The following TSPAN9 variants were observed in gnomAD, a reference collection of about 807,000 sequenced individuals.
TSPAN9 encodes tetraspanin-9.
In TSPAN9, 16 loss-of-function variants were observed where a neutral mutation model predicts 31.0. The ratio of observed to expected loss-of-function variants is 0.52; its 90% CI spans 0.35 to 0.78. The LOEUF (loss-of-function observed/expected upper bound fraction) is 0.78, where lower values mean the gene tolerates loss of function less well. Ranked by LOEUF, TSPAN9 falls within the 30% of genes least tolerant of loss-of-function variation. The pLI, the probability that TSPAN9 is intolerant of heterozygous loss-of-function variation, is 0.01. For missense variants in TSPAN9, 272 were observed against 312.5 expected, an observed-to-expected ratio of 0.87 and a Z score of 0.98; for synonymous variants, 145 against 121.6, an observed-to-expected ratio of 1.19 and a Z score of -1.27.
At chr12:3,162,181 TCTCA>T (rs1808776431) in intron 2 of TSPAN9, among the ~76,000 whole-genome samples, 1 of 152,158 alleles carries the variant, frequency 6.6e-6, no homozygotes, top group Non-Finnish European at 1.5e-5. Flanking sequence ...TTGCTTCCTC[TCTCA>T]CCATGTGATA....
In TSPAN9 at chr12:3,187,165, C is replaced by G. The variant is rs2098361850; in HGVS notation, c.-17-14012C>G. The stretch of plus-strand genomic sequence containing the variant: ...AGGGCCTCTGTTTTCTTTCACTTGG[C>G]AGATCACCTGTGTTCATGCCGTGTG... On this transcript the variant is annotated intron_variant, in intron 2 of 8. Coordinates refer to ENST00000011898, the MANE Select transcript of TSPAN9 (RefSeq NM_006675.5). The surrounding 1 kb of genome is among the most constrained non-coding windows in gnomAD (Gnocchi z 5.2). Among the ~76,000 whole-genome samples the G allele has an allele frequency of 6.6e-6, 1 of 152,140 alleles. No individual in the cohort carries two copies. The highest frequency in any genetic ancestry group is 2.1e-4 in the South Asian group (1 of 4,826).
chr12:3,256,139 G>T (rs904428712), intron 3 of TSPAN9, among the ~76,000 whole-genome samples: 2 of 152,170 alleles, frequency 1.3e-5, no homozygotes, highest in African/African-American at 4.8e-5. Context: ...GGGTTGTCAG[G>T]AGCCAGAGAG....
chr12:3,273,684 G>A (rs1015422615), intron 3 of TSPAN9, among the ~76,000 whole-genome samples: 5 of 152,090 alleles, frequency 3.3e-5, no homozygotes, highest in African/African-American at 7.2e-5. Flanking sequence ...CACCAGAGGC[G>A]GCTCCCCTGC....
intron 2 of TSPAN9, among the ~76,000 whole-genome samples, chr12:3,089,514 C>G (rs2098302968): frequency 6.6e-6 from 1 of 151,780 alleles, no homozygotes; most frequent in African/African-American, 2.4e-5. Flanking sequence ...CCAGGGTGGT[C>G]TCGATCTCCT....
At chr12:3,162,715 T>C (rs1414308860) in intron 2 of TSPAN9, among the ~76,000 whole-genome samples, 3 of 152,214 alleles carry the variant, frequency 2.0e-5, no homozygotes, top group Admixed American at 2.0e-4. Context: ...CTCAGCTCTT[T>C]CTCAGCAGAG....
At chr12:3,205,945 T>C (rs117638214) in intron 3 of TSPAN9, among the ~76,000 whole-genome samples, 2,337 of 151,936 alleles carry the variant, frequency 0.015, 26 homozygotes, top group South Asian at 0.039. Flanking sequence ...CTTGTCTTAA[T>C]GTCTATTTTT....
intron 1 of TSPAN9, among the ~76,000 whole-genome samples, chr12:3,077,669 A>C (rs1306628889): frequency 3.8e-5 from 4 of 105,416 alleles, no homozygotes; most frequent in South Asian, 6.3e-4. Flanking sequence ...CGGGCCGGGA[A>C]GGGGAGGGTG....
intron 2 of TSPAN9, chr12:3,171,533 A>C (rs776226601): frequency 6.6e-6 from 1 of 152,152 alleles, no homozygotes; most frequent in Non-Finnish European, 1.5e-5. Context: ...TTAGTTACCC[A>C]TCCCTGTGTG....
At chr12:3,119,645 G>A (rs1443717844) in intron 2 of TSPAN9, among the ~76,000 whole-genome samples, 1 of 152,132 alleles carries the variant, frequency 6.6e-6, no homozygotes, top group African/African-American at 2.4e-5. Context: ...ATGCACCCCC[G>A]CTCCTCTCCA....
At chr12:3,079,771 ATTTT>A (rs34675914) in intron 1 of TSPAN9, among the ~76,000 whole-genome samples, 1 of 129,690 alleles carries the variant, frequency 7.7e-6, no homozygotes. Flanking sequence ...CCCTTCTTCT[ATTTT>A]TTTTTTTTTT....
intron 3 of TSPAN9, among the ~76,000 whole-genome samples, chr12:3,208,948 G>T (rs964752378): frequency 6.6e-6 from 1 of 152,058 alleles, no homozygotes; most frequent in South Asian, 2.1e-4. Flanking sequence ...TTAAAAATTC[G>T]GCGTTGTGCC....
intron 3 of TSPAN9, among the ~76,000 whole-genome samples, chr12:3,242,108 C>T (rs962533050): frequency 2.0e-5 from 3 of 152,244 alleles, no homozygotes; most frequent in Non-Finnish European, 4.4e-5. Context: ...AGGGGTCTCC[C>T]GGTTAGGGCT....
intron 3 of TSPAN9, among the ~76,000 whole-genome samples, chr12:3,255,197 C>T (rs1862323222): frequency 6.6e-6 from 1 of 152,258 alleles, no homozygotes; most frequent in Admixed American, 6.5e-5. Context: ...TCCGGCCTGA[C>T]TCTGTCTGTC....
At chr12:3,115,485 G>C (rs2098321796) in intron 2 of TSPAN9, among the ~76,000 whole-genome samples, 1 of 152,204 alleles carries the variant, frequency 6.6e-6, no homozygotes, top group Non-Finnish European at 1.5e-5. Context: ...TCAGGCTGCT[G>C]TATATCACAA....
rs1392319943 is a variant in TSPAN9 at position 3,168,872 on chromosome 12, C to T, written c.-17-32305C>T. Among the ~76,000 whole-genome samples, 3 of 152,102 alleles carry T rather than the reference C, an allele frequency of 2.0e-5. No homozygotes were observed. Among genetic ancestry groups the T allele is most frequent in the South Asian group, 2.1e-4 (1 of 4,818 alleles). ...CCGCCTCCCTCCCGGCCAGTGTGGG[C>T]GTGCAGATGGATGAGCTCAGGTTTG... is the stretch of plus-strand genomic sequence containing the variant. On this transcript the variant is annotated intron_variant, in intron 2 of 8. Coordinates refer to ENST00000011898, the MANE Select transcript of TSPAN9 (RefSeq NM_006675.5). This position sits in a 1 kb window ranked among gnomAD's most constrained non-coding sequence, Gnocchi z 4.0.
intron 2 of TSPAN9, among the ~76,000 whole-genome samples, chr12:3,162,243 C>G (rs1192564018): frequency 6.6e-6 from 1 of 152,214 alleles, no homozygotes; most frequent in Non-Finnish European, 1.5e-5. Context: ...GCAGAAGCAG[C>G]CTGAGGCCTC....
intron 2 of TSPAN9, among the ~76,000 whole-genome samples, chr12:3,096,742 G>A (rs1002155810): frequency 6.6e-6 from 1 of 151,546 alleles, no homozygotes; most frequent in South Asian, 2.1e-4. Context: ...CTGTCGCCCG[G>A]AGTGCAATGG....
chr12:3,095,706 G>A (rs2098308113), intron 2 of TSPAN9, among the ~76,000 whole-genome samples: 1 of 151,700 alleles, frequency 6.6e-6, no homozygotes, highest in East Asian at 1.9e-4. Context: ...TGGGGCGGCG[G>A]GGCAGAGGCG....
chr12:3,255,846 G>A (rs1862335250), intron 3 of TSPAN9, among the ~76,000 whole-genome samples: 1 of 152,246 alleles, frequency 6.6e-6, no homozygotes, highest in Non-Finnish European at 1.5e-5. Context: ...AGAGATGAGA[G>A]CATGATTTGG....
Sources: allele counts gnomAD v4.1 joint callset (sites outside exome capture counted in the v4.1 genomes callset), GRCh38; gene constraint gnomAD v4.1.1; non-coding constraint Gnocchi (gnomAD v3.1); transcripts MANE v1.5; gene names NCBI Gene and HGNC (gene_info 2026-07-23, HGNC 2026-07-21).